SMCO2: variants seen among roughly 807,000 people sequenced by gnomAD.
SMCO2 encodes the protein single-pass membrane protein with coiled-coil domains 2, also known as single-pass membrane and coiled-coil domain-containing protein 2.
Under a neutral mutation model 29.5 loss-of-function variants are expected in SMCO2, and 25 were observed. The ratio of observed to expected loss-of-function variants is 0.85; its 90% CI spans 0.62 to 1.18. SMCO2 has a LOEUF of 1.18. SMCO2 is among the 50% of genes most tolerant of loss of function. The pLI is 0.00. For synonymous variants in SMCO2, 117 were observed against 123.3 expected (o/e 0.95, Z 0.34); for missense variants, 348 against 344.5 (o/e 1.01, Z -0.08).
At chr12:27,444,351 TG>T in the SMCO2 span, among the ~76,000 whole-genome samples, 3 of 152,136 alleles carry the variant, frequency 2.0e-5, no homozygotes, top group Non-Finnish European at 4.4e-5. Flanking sequence ...CAAATCAAAA[TG>T]GATTATTGAC....
intron 7 of SMCO2, chr12:27,498,634 T>A (rs1371630952): frequency 5.8e-6 from 1 of 171,234 alleles, no homozygotes; most frequent in East Asian, 1.6e-4. Context: ...ACCACACTGG[T>A]CACTAGCATT....
At chr12:27,483,231 A>G (rs1438726205) in intron 4 of SMCO2, among the ~76,000 whole-genome samples, 2 of 152,082 alleles carry the variant, frequency 1.3e-5, no homozygotes, top group Non-Finnish European at 2.9e-5. Flanking sequence ...ACCTCTATAG[A>G]TGATCAATAG....
At chr12:27,453,354 G>T in the SMCO2 span, among the ~76,000 whole-genome samples, 2 of 152,122 alleles carry the variant, frequency 1.3e-5, no homozygotes, top group Admixed American at 1.3e-4. Context: ...ATCCTGTGCC[G>T]GGGCATGTGA....
chr12:27,443,377 A>G, the SMCO2 span, among the ~76,000 whole-genome samples: 387 of 152,360 alleles, frequency 2.5e-3, no homozygotes, highest in Non-Finnish European at 4.2e-3. Flanking sequence ...AAAATAATAA[A>G]GCCCATCTAT....
Position 27,470,789 on chromosome 12 carries a change from A to C in SMCO2, c.134+24A>C, listed in dbSNP as rs891413509. The C allele has an allele frequency of 5.2e-6, 8 of 1,547,984 alleles. No individual in the cohort carries two copies. The African/African-American group carries it at 1.1e-4, about 21-fold the overall frequency. On this transcript the variant is annotated intron_variant, in intron 2 of 7. Coordinates refer to ENST00000298876, the Ensembl canonical transcript of SMCO2. ...GAGTAAGTCAGAACTGAGCTTGCAG[A>C]AGCAGTTTCTAGGGTCCCAACTGCA... is the stretch of plus-strand genomic sequence containing the variant.
intron 2 of SMCO2, 144 bp downstream of exon 2, chr12:27,470,909 A>G (rs1388461247): frequency 9.7e-7 from 1 of 1,032,694 alleles, no homozygotes; most frequent in African/African-American, 1.6e-5. Flanking sequence ...TTTTAATCTC[A>G]TGAATATTTA....
At chr12:27,488,345 A>T in intron 4 of SMCO2, 115 bp from the exon 6 acceptor site, 1 of 622,988 alleles carries the variant, frequency 1.6e-6, no homozygotes, top group African/African-American at 1.9e-5. Flanking sequence ...TACAAGCACT[A>T]CCAAAGCATC....
rs535258341 is a variant in SMCO2, at chr12:27,472,846, G to T, written c.205G>T (p.Glu69Ter). 1 of 1,550,446 alleles carries T rather than the reference G, an allele frequency of 6.4e-7. No homozygotes were observed. Among genetic ancestry groups the T allele is most frequent in the Non-Finnish European group, 8.7e-7 (1 of 1,146,416 alleles). Residue 69 changes from glutamate to a stop codon, truncating the protein, a stop_gained, in exon 3 of 8, where the codon GAA becomes TAA. Coordinates refer to ENST00000298876, the Ensembl canonical transcript of SMCO2. LOFTEE classifies it high-confidence loss of function. Reference sequence around the variant, plus strand: ...GGATGATGAGGATGACATTTCCTCCGAAAACCCTCAAACTGACTTCCTTCA... The same window carrying T: ...GGATGATGAGGATGACATTTCCTCCTAAAACCCTCAAACTGACTTCCTTCA...
intron 5 of SMCO2, among the ~76,000 whole-genome samples, chr12:27,489,288 A>G (rs1949715327): frequency 6.6e-6 from 1 of 152,102 alleles, no homozygotes; most frequent in Non-Finnish European, 1.5e-5. Flanking sequence ...GTCTCAAGGA[A>G]TCTGCCCACC....
At chr12:27,491,326 T>G (rs1205580325) in intron 5 of SMCO2, among the ~76,000 whole-genome samples, 1 of 150,798 alleles carries the variant, frequency 6.6e-6, no homozygotes, top group Non-Finnish European at 1.5e-5. Context: ...GGCCTAATAT[T>G]GAGCCCCCAA....
chr12:27,476,962 G>A (rs1214338576), intron 4 of SMCO2, among the ~76,000 whole-genome samples: 1 of 151,666 alleles, frequency 6.6e-6, no homozygotes, highest in Non-Finnish European at 1.5e-5. Context: ...CAGTTTGATG[G>A]TTTTCTGTAG....
intron 5 of SMCO2, among the ~76,000 whole-genome samples, chr12:27,490,849 C>A (rs548769219): frequency 6.6e-6 from 1 of 152,178 alleles, no homozygotes; most frequent in Non-Finnish European, 1.5e-5. Context: ...GGAGGATCAC[C>A]TTCTGGACTC....
intron 7 of SMCO2, chr12:27,498,395 G>T: frequency 4.6e-6 from 1 of 216,478 alleles, no homozygotes. Context: ...CTTACTTCTG[G>T]TTCTTGTGGT....
the SMCO2 span, among the ~76,000 whole-genome samples, chr12:27,433,178 G>C: frequency 1.3e-5 from 2 of 151,086 alleles, no homozygotes; most frequent in African/African-American, 4.9e-5. Flanking sequence ...ACATATAGAC[G>C]TGTGTGTGTG....
the SMCO2 span, among the ~76,000 whole-genome samples, chr12:27,427,979 G>A: frequency 9.2e-5 from 14 of 152,162 alleles, no homozygotes; most frequent in Non-Finnish European, 1.5e-5. Flanking sequence ...ATCATATGGG[G>A]TTGAAGCTGG....
At position 27,501,575 on chromosome 12, in the gene SMCO2, C is replaced by T. The variant is rs929509737; in HGVS notation, c.684-348C>T. 3.0e-4 allele frequency among the ~76,000 whole-genome samples: 45 copies of T among 150,444 alleles called. 3 individuals are homozygous for T. The highest frequency in any genetic ancestry group is 1.1e-3 in the African/African-American group (45 of 40,142). On this transcript the variant is annotated intron_variant, in intron 7 of 7. Transcript: ENST00000298876. ...TTGTGTCCTGGGGAAAATCTAACTG[C>T]CTGTGCCTTTGTTTGCTCAAAAAGA... is the stretch of plus-strand genomic sequence containing the variant.
chr12:27,498,968 G>A (rs1319424005), intron 7 of SMCO2, among the ~76,000 whole-genome samples: 1 of 150,624 alleles, frequency 6.6e-6, no homozygotes, highest in Non-Finnish European at 1.5e-5. Flanking sequence ...TGGAGAAATT[G>A]GAACCCTCGT....
intron 4 of SMCO2, among the ~76,000 whole-genome samples, chr12:27,488,218 T>G (rs1949705654): frequency 6.6e-6 from 1 of 152,186 alleles, no homozygotes; most frequent in Admixed American, 6.5e-5. Flanking sequence ...AAACTTATAT[T>G]TTAACCCTTT....
the SMCO2 span, among the ~76,000 whole-genome samples, chr12:27,459,403 C>T: frequency 6.6e-6 from 1 of 152,016 alleles, no homozygotes; most frequent in Non-Finnish European, 1.5e-5. Flanking sequence ...TTCTCACTTA[C>T]AAGTGGGAGC....
Sources: gnomAD v4.1 joint callset for allele counts (sites outside exome capture counted in the v4.1 genomes callset) on GRCh38, gnomAD v4.1.1 for gene constraint, MANE v1.5 for transcripts, NCBI Gene and HGNC (gene_info 2026-07-23, HGNC 2026-07-21) for gene names.